The following RHBDD1 variants were observed in gnomAD, a reference collection of about 807,000 sequenced individuals.
The protein encoded by RHBDD1 is rhomboid-related protein 4.
A neutral mutation model predicts 36.3 loss-of-function variants in RHBDD1; 38 were observed. That is an observed-to-expected ratio of 1.05 (90% confidence interval 0.81 to 1.37). The LOEUF (loss-of-function observed/expected upper bound fraction) is 1.37, where lower values mean the gene tolerates loss of function less well. Ranked by LOEUF, RHBDD1 falls within the 40% of genes most tolerant of loss-of-function variation. The probability of loss-of-function intolerance (pLI) is 0.00; values close to 1 mark genes in which losing one functional copy is unlikely to be tolerated. For missense variants in RHBDD1, 393 were observed against 377.6 expected (o/e 1.04, Z -0.34); for synonymous variants, 151 against 136.5 (o/e 1.11, Z -0.74).
intron 1 of RHBDD1, chr2:226,837,638 A>C (rs10205637): frequency 6.6e-6 from 1 of 152,046 alleles, no homozygotes; most frequent in Non-Finnish European, 1.5e-5. Context: ...CAGGGTTCAA[A>C]CGATTCTCCT....
chr2:226,804,909 G>T, the RHBDD1 span: 1 of 152,150 alleles, frequency 6.6e-6, no homozygotes, highest in African/African-American at 2.4e-5. Context: ...TGTAATCTCC[G>T]CAATTTGGGA....
At chr2:226,920,028 A>C (rs1212286287) in intron 8 of RHBDD1, among the ~76,000 whole-genome samples, 1 of 151,872 alleles carries the variant, frequency 6.6e-6, no homozygotes, top group African/African-American at 2.4e-5. Flanking sequence ...CATTGTAGAT[A>C]TCTTTGACTT....
At chr2:226,817,650 G>A in the RHBDD1 span, among the ~76,000 whole-genome samples, 5 of 152,164 alleles carry the variant, frequency 3.3e-5, no homozygotes, top group South Asian at 2.1e-4. Context: ...CTGTTTAAAC[G>A]GAGCTGTCTC....
At chr2:226,939,902 G>A (rs1950560567) in intron 8 of RHBDD1, among the ~76,000 whole-genome samples, 1 of 152,132 alleles carries the variant, frequency 6.6e-6, no homozygotes, top group African/African-American at 2.4e-5. Context: ...CAGTATGGTA[G>A]TGGCACAAGA....
At chr2:226,862,732 A>G (rs1204763119) in intron 3 of RHBDD1, among the ~76,000 whole-genome samples, 1 of 152,212 alleles carries the variant, frequency 6.6e-6, no homozygotes, top group Non-Finnish European at 1.5e-5. Flanking sequence ...TGAGTAATTT[A>G]TAAAGAAAAG....
At chr2:226,809,807 T>C in the RHBDD1 span, among the ~76,000 whole-genome samples, 1 of 152,222 alleles carries the variant, frequency 6.6e-6, no homozygotes, top group Admixed American at 6.5e-5. Flanking sequence ...AGCTTTCACC[T>C]TTTTAAAAAC....
intron 5 of RHBDD1, among the ~76,000 whole-genome samples, chr2:226,889,908 T>A (rs192896496): frequency 1.5e-4 from 23 of 152,328 alleles, no homozygotes; most frequent in Admixed American, 5.2e-4. Context: ...TTTCTAAGTA[T>A]CAGTCTCTCA....
chr2:226,945,145 G>GATTACTATTATT (rs1553578050), intron 8 of RHBDD1, among the ~76,000 whole-genome samples: 1 of 144,818 alleles, frequency 6.9e-6, no homozygotes, highest in Admixed American at 7.0e-5. Flanking sequence ...GATCAAATCT[G>GATTACTATTATT]ATTATTATTA....
the RHBDD1 span, among the ~76,000 whole-genome samples, chr2:226,811,453 C>T: frequency 6.6e-6 from 1 of 152,154 alleles, no homozygotes; most frequent in African/African-American, 2.4e-5. Flanking sequence ...AGGTGTGCAC[C>T]ACCATGCCCA....
intron 8 of RHBDD1, among the ~76,000 whole-genome samples, chr2:226,924,413 C>T (rs1372877674): frequency 2.0e-5 from 3 of 152,150 alleles, no homozygotes; most frequent in South Asian, 2.1e-4. Flanking sequence ...TTTACTCTTC[C>T]GTTTTCTCTC....
At chr2:226,916,394 T>C (rs941926086) in intron 8 of RHBDD1, among the ~76,000 whole-genome samples, 1 of 152,186 alleles carries the variant, frequency 6.6e-6, no homozygotes. Context: ...CCCCAGAGCC[T>C]ATATTTTTAA....
intron 8 of RHBDD1, among the ~76,000 whole-genome samples, chr2:226,986,155 G>A (rs184754430): frequency 6.4e-4 from 97 of 152,322 alleles, no homozygotes; most frequent in African/African-American, 2.2e-3. Flanking sequence ...ATATCTGTCT[G>A]CTACCACTCA....
rs550767848 is a variant in RHBDD1, at chr2:226,855,240, G to A, written c.-90-9364G>A. Among the ~76,000 whole-genome samples, 5 of 152,350 alleles carry A rather than the reference G, an allele frequency of 3.3e-5. No individual in the cohort carries two copies. In the South Asian group the frequency reaches 1.0e-3, roughly 32 times the overall value. ...TCTAGGTTTGAGCTTGGGTATGGTG[G>A]CTCACACCTGTAATCTCAATACTTT... On this transcript the variant is annotated intron_variant, in intron 3 of 8. Coordinates refer to ENST00000392062, the MANE Select transcript of RHBDD1 (RefSeq NM_001167608.3).
intron 8 of RHBDD1, among the ~76,000 whole-genome samples, chr2:226,937,240 T>C (rs1232632699): frequency 1.3e-5 from 2 of 152,244 alleles, no homozygotes; most frequent in South Asian, 4.1e-4. Flanking sequence ...TAGCAATCAA[T>C]CTTATGTTCT....
At chr2:226,910,745 T>G (rs1043683829) in intron 7 of RHBDD1, among the ~76,000 whole-genome samples, 2 of 152,128 alleles carry the variant, frequency 1.3e-5, no homozygotes, top group Admixed American at 1.3e-4. Context: ...GATTGCTAGG[T>G]TTTTCCAGGA....
At chr2:226,936,074 G>A (rs1950314214) in intron 8 of RHBDD1, among the ~76,000 whole-genome samples, 1 of 151,976 alleles carries the variant, frequency 6.6e-6, no homozygotes, top group Non-Finnish European at 1.5e-5. Context: ...TCTCCCCCAG[G>A]AAAACTTTCT....
chr2:226,956,860 T>G (rs1202321300), intron 8 of RHBDD1, among the ~76,000 whole-genome samples: 1 of 152,196 alleles, frequency 6.6e-6, no homozygotes, highest in Non-Finnish European at 1.5e-5. Flanking sequence ...GACCAGCTCT[T>G]TGGCAATGTG....
intron 8 of RHBDD1, among the ~76,000 whole-genome samples, chr2:226,924,081 C>T (rs1432969509): frequency 6.6e-6 from 1 of 152,104 alleles, no homozygotes; most frequent in African/African-American, 2.4e-5. Context: ...GAAGGAGTCT[C>T]TCCCCAAAGC....
intron 5 of RHBDD1, among the ~76,000 whole-genome samples, chr2:226,886,663 T>G (rs1162308725): frequency 1.3e-5 from 2 of 152,160 alleles, no homozygotes; most frequent in Non-Finnish European, 2.9e-5. Context: ...AATAATGACT[T>G]TAAAAACTGA....
Sources: gnomAD v4.1 joint callset for allele counts (sites outside exome capture counted in the v4.1 genomes callset) on GRCh38, gnomAD v4.1.1 for gene constraint, MANE v1.5 for transcripts, NCBI Gene and HGNC (gene_info 2026-07-23, HGNC 2026-07-21) for gene names.